ARHGAP28: variants seen among roughly 807,000 people sequenced by gnomAD.
ARHGAP28 encodes the protein rho GTPase-activating protein 28.
Under a neutral mutation model 90.7 loss-of-function variants are expected in ARHGAP28, and 56 were observed. The observed-to-expected ratio is 0.62, with a 90% confidence interval of 0.50 to 0.77. ARHGAP28 has a LOEUF of 0.77. Ranked by LOEUF, ARHGAP28 falls within the 30% of genes least tolerant of loss-of-function variation. The pLI is 0.00. For missense variants in ARHGAP28, 869 were observed against 900.9 expected (o/e 0.96, Z 0.45); for synonymous variants, 308 against 323.3 (o/e 0.95, Z 0.51).
At chr18:6,880,366 C>T (rs1257577060) in intron 10 of ARHGAP28, among the ~76,000 whole-genome samples, 2 of 152,154 alleles carry the variant, frequency 1.3e-5, no homozygotes, top group African/African-American at 4.8e-5. Flanking sequence ...GTTATCCCTC[C>T]CTGGAAGTGG....
At chr18:6,766,777 G>T (rs754119200) in intron 1 of ARHGAP28, among the ~76,000 whole-genome samples, 1 of 152,078 alleles carries the variant, frequency 6.6e-6, no homozygotes. Context: ...CTGTTTCCCC[G>T]CAGTAAATCT....
intron 1 of ARHGAP28, among the ~76,000 whole-genome samples, chr18:6,823,107 G>A (rs2056636935): frequency 6.6e-6 from 1 of 152,104 alleles, no homozygotes; most frequent in South Asian, 2.1e-4. Flanking sequence ...GTTAGTCTTG[G>A]TCTTTTTGTC....
intron 1 of ARHGAP28, 35 bp downstream of exon 1, chr18:6,729,978 C>G: frequency 7.6e-7 from 1 of 1,319,830 alleles, no homozygotes; most frequent in Non-Finnish European, 9.6e-7. Context: ...GCGGCGCAGT[C>G]GCGCTGGGCT....
At chr18:6,758,452 T>A (rs939973138) in intron 1 of ARHGAP28, among the ~76,000 whole-genome samples, 1 of 152,124 alleles carries the variant, frequency 6.6e-6, no homozygotes, top group East Asian at 1.9e-4. Context: ...GCCTCCCGAG[T>A]AGCTGGGATT....
At chr18:6,775,461 T>C (rs2143439646) in intron 1 of ARHGAP28, among the ~76,000 whole-genome samples, 1 of 152,320 alleles carries the variant, frequency 6.6e-6, no homozygotes, top group Middle Eastern at 3.4e-3. Context: ...TAAGGAAGCC[T>C]TCGATGAAAT....
chr18:6,787,409 T>A (rs909592779), intron 1 of ARHGAP28, among the ~76,000 whole-genome samples: 5 of 152,122 alleles, frequency 3.3e-5, no homozygotes, highest in African/African-American at 1.2e-4. Context: ...TAGGTAGAGA[T>A]CATCAATGAG....
intron 5 of ARHGAP28, among the ~76,000 whole-genome samples, chr18:6,866,523 T>A (rs1212460946): frequency 6.6e-6 from 1 of 152,174 alleles, no homozygotes; most frequent in Non-Finnish European, 1.5e-5. Context: ...GTGGAAACCT[T>A]CTGGGCAGCA....
chr18:6,875,190 C>G (rs2057121569), intron 9 of ARHGAP28, among the ~76,000 whole-genome samples: 1 of 152,214 alleles, frequency 6.6e-6, no homozygotes, highest in South Asian at 2.1e-4. Context: ...GCTAGTTAAA[C>G]TAAATATGGA....
At chr18:6,847,648 T>C (rs2056876912) in intron 3 of ARHGAP28, among the ~76,000 whole-genome samples, 1 of 151,886 alleles carries the variant, frequency 6.6e-6, no homozygotes, top group East Asian at 1.9e-4. Context: ...TGTGTGTGTG[T>C]GTGTAGGTTA....
chr18:6,822,942 A>G (rs1485871368), intron 1 of ARHGAP28, among the ~76,000 whole-genome samples: 2 of 152,238 alleles, frequency 1.3e-5, no homozygotes, highest in African/African-American at 4.8e-5. Context: ...GCTAAATTTG[A>G]TAACAATCCG....
intron 16 of ARHGAP28, chr18:6,898,761 C>A: frequency 7.9e-7 from 1 of 1,261,400 alleles, no homozygotes; most frequent in Non-Finnish European, 1.0e-6. Context: ...ACAACTTGTT[C>A]AAAAAATCTT....
At chr18:6,882,604 C>T (rs1229021294) in intron 11 of ARHGAP28, among the ~76,000 whole-genome samples, 5 of 152,180 alleles carry the variant, frequency 3.3e-5, no homozygotes, top group Admixed American at 3.3e-4. Context: ...TCAGTTACTA[C>T]ATCTGTAAAT....
In ARHGAP28 at chr18:6,834,926, C is replaced by T. The variant is rs118113497; in HGVS notation, c.326-2271C>T. Among the ~76,000 whole-genome samples, 1,287 of 152,192 alleles carry T rather than the reference C, an allele frequency of 8.5e-3. 10 individuals carry two copies. Among genetic ancestry groups the T allele is most frequent in the Admixed American group, 0.016 (240 of 15,292 alleles). On this transcript the variant is annotated intron_variant, in intron 2 of 17. Coordinates refer to ENST00000383472, the MANE Select transcript of ARHGAP28 (RefSeq NM_001366230.1). Reference sequence around the variant, plus strand: ...GAATTGGGAGTGAGAAATACGAGTTCAGGTTTGAACACAGTGAATATGACA... The same window carrying T: ...GAATTGGGAGTGAGAAATACGAGTTTAGGTTTGAACACAGTGAATATGACA...
intron 16 of ARHGAP28, among the ~76,000 whole-genome samples, chr18:6,905,608 G>C (rs2057361047): frequency 6.6e-6 from 1 of 152,050 alleles, no homozygotes; most frequent in African/African-American, 2.4e-5. Flanking sequence ...AGGAATAAAA[G>C]TCTATTTGCA....
intron 17 of ARHGAP28, among the ~76,000 whole-genome samples, chr18:6,910,846 TGC>T (rs1277720561): frequency 6.8e-4 from 5 of 7,304 alleles, no homozygotes; most frequent in Non-Finnish European, 2.7e-3. Context: ...TTGTTTTGTT[TGC>T]TTTGTTTTTT....
chr18:6,831,768 T>C (rs563817944), intron 2 of ARHGAP28, among the ~76,000 whole-genome samples: 2 of 152,218 alleles, frequency 1.3e-5, no homozygotes, highest in African/African-American at 2.4e-5. Flanking sequence ...ACAAGTTAAA[T>C]AGAAGTGGTG....
chr18:6,903,665 T>G (rs2057349171), intron 16 of ARHGAP28, among the ~76,000 whole-genome samples: 1 of 151,788 alleles, frequency 6.6e-6, no homozygotes, highest in Admixed American at 6.6e-5. Flanking sequence ...ATGCCGTCTC[T>G]ACTAAAAATA....
At chr18:6,755,650 G>C (rs371263860) in intron 1 of ARHGAP28, among the ~76,000 whole-genome samples, 17 of 152,294 alleles carry the variant, frequency 1.1e-4, no homozygotes, top group South Asian at 6.2e-4. Context: ...TTCAAAATGA[G>C]ACAATTTTGA....
At chr18:6,898,413 A>G in intron 16 of ARHGAP28, 3 of 1,216,784 alleles carry the variant, frequency 2.5e-6, no homozygotes, top group Non-Finnish European at 3.7e-6. Context: ...ACACACATTA[A>G]CCCGTTTTCC....
Sources: gnomAD v4.1 joint callset for allele counts (sites outside exome capture counted in the v4.1 genomes callset) on GRCh38, gnomAD v4.1.1 for gene constraint, MANE v1.5 for transcripts, NCBI Gene and HGNC (gene_info 2026-07-23, HGNC 2026-07-21) for gene names.